The following CFAP47 variants were observed in gnomAD, a reference collection of about 807,000 sequenced individuals.
CFAP47 encodes the protein cilia- and flagella-associated protein 47.
Under a neutral mutation model 148.1 loss-of-function variants are expected in CFAP47, and 29 were observed. The ratio of observed to expected loss-of-function variants is 0.20; its 90% CI spans 0.15 to 0.27. CFAP47 has a LOEUF of 0.27. Among genes scored for constraint, CFAP47 ranks in the 10% least tolerant of loss-of-function variants. The pLI is 1.00. For missense variants in CFAP47, 1,872 were observed against 1,697.5 expected, an observed-to-expected ratio of 1.10 and a Z score of -1.81; for synonymous variants, 664 against 577.3, an observed-to-expected ratio of 1.15 and a Z score of -2.15.
rs1555998227 is a variant in CFAP47, at chrX:36,251,423, T to C, written c.7423T>C (p.Trp2475Arg). The C allele has an allele frequency of 5.9e-6, 3 of 504,546 alleles. No homozygotes were observed. In the Admixed American group the frequency reaches 8.2e-5, roughly 14 times the overall value. 41.6% of individuals were successfully genotyped at this position (504,546 alleles called of 1,213,427 possible). Reference protein sequence around the residue: ...EILYLIHVRPWKRGILKGTIT... With the variant: ...EILYLIHVRPRKRGILKGTIT... ...TCTGTACCTGATTCATGTGCGCCCTTGGAAACGTGGTATATTGAAAGGTAT... is the reference window on the plus strand; with the variant it reads ...TCTGTACCTGATTCATGTGCGCCCTCGGAAACGTGGTATATTGAAAGGTAT... Residue 2475 changes from tryptophan (W) to arginine (R), a missense_variant, in exon 49 of 64, where the codon TGG (tryptophan) becomes CGG (arginine). Coordinates refer to ENST00000378653, the MANE Select transcript of CFAP47 (RefSeq NM_001304548.2).
chrX:36,303,451 T>C lies in CFAP47; in HGVS notation c.7971-398T>C, dbSNP rs923854668. ...CCTCCAGACTCAGCTTCCCAAAGCATTGGGATTACAGGCATGAGCCACTGT... is the reference window on the plus strand; with the variant it reads ...CCTCCAGACTCAGCTTCCCAAAGCACTGGGATTACAGGCATGAGCCACTGT... On this transcript the variant is annotated intron_variant, in intron 53 of 63. Coordinates refer to ENST00000378653, the MANE Select transcript of CFAP47 (RefSeq NM_001304548.2). Among the ~76,000 whole-genome samples, 5 of 110,690 alleles carry C rather than the reference T, an allele frequency of 4.5e-5. No individual in the cohort carries two copies. The Admixed American group carries it at 4.9e-4, about 11-fold the overall frequency.
At chrX:36,173,443 A>G (rs1436795764) in intron 39 of CFAP47, among the ~76,000 whole-genome samples, 4 of 111,719 alleles carry the variant, frequency 3.6e-5, no homozygotes, top group East Asian at 5.6e-4. Context: ...ATTTAGTGCT[A>G]TAAATTTCCC....
At chrX:35,933,239 C>T (rs1232267952) in intron 2 of CFAP47, among the ~76,000 whole-genome samples, 3 of 106,920 alleles carry the variant, frequency 2.8e-5, no homozygotes, top group East Asian at 5.8e-4. Flanking sequence ...CCTTCCTAGC[C>T]TCTGGTAACC....
chrX:36,356,498 T>G (rs960847622), intron 60 of CFAP47, among the ~76,000 whole-genome samples: 7 of 111,476 alleles, frequency 6.3e-5, no homozygotes, highest in African/African-American at 2.3e-4. Context: ...ACTTGGTTCC[T>G]TTCCCCTGCC....
intron 49 of CFAP47, among the ~76,000 whole-genome samples, chrX:36,270,329 G>A (rs1034408301): frequency 2.7e-5 from 3 of 110,548 alleles, no homozygotes; most frequent in South Asian, 3.8e-4. Flanking sequence ...ATACTTAATA[G>A]GGTTACTCAT....
chrX:36,217,791 C>T (rs1347555715), intron 45 of CFAP47, among the ~76,000 whole-genome samples: 1 of 111,685 alleles, frequency 9.0e-6, no homozygotes, highest in Non-Finnish European at 1.9e-5. Flanking sequence ...TTGTAATATC[C>T]AAGACTGCAT....
chrX:36,289,662 T>G (rs1556005268), intron 51 of CFAP47, among the ~76,000 whole-genome samples: 1 of 111,974 alleles, frequency 8.9e-6, no homozygotes, highest in Non-Finnish European at 1.9e-5. Flanking sequence ...ACTTGTTGGC[T>G]CCCAAAAGAT....
intron 21 of CFAP47, among the ~76,000 whole-genome samples, chrX:36,008,394 C>T (rs779874127): frequency 1.2e-3 from 133 of 111,158 alleles, no homozygotes; most frequent in Non-Finnish European, 2.2e-3. Flanking sequence ...TCCTATGAAT[C>T]TTGCTGTGGG....
At chrX:36,080,384 G>C (rs866000531) in intron 29 of CFAP47, among the ~76,000 whole-genome samples, 1 of 111,444 alleles carries the variant, frequency 9.0e-6, no homozygotes, top group South Asian at 3.8e-4. Flanking sequence ...ATTCCTCAAG[G>C]ATCTAGAACT....
chrX:36,219,633 A>C (rs894786683), intron 45 of CFAP47, among the ~76,000 whole-genome samples: 1 of 111,762 alleles, frequency 8.9e-6, no homozygotes, highest in Non-Finnish European at 1.9e-5. Context: ...TTCTATTCAA[A>C]GTAACCCCTC....
chrX:35,957,313 C>T (rs192695142), intron 8 of CFAP47, among the ~76,000 whole-genome samples: 1 of 110,659 alleles, frequency 9.0e-6, no homozygotes, highest in Non-Finnish European at 1.9e-5. Flanking sequence ...GTTTGCTGAA[C>T]CCTGCCTTAA....
At chrX:36,179,070 T>G in intron 39 of CFAP47, among the ~76,000 whole-genome samples, 1 of 112,609 alleles carries the variant, frequency 8.9e-6, no homozygotes, top group South Asian at 3.6e-4. Context: ...ACCAGTCACT[T>G]ATCTTCTAAA....
chrX:36,117,402 C>G (rs1938660335), intron 33 of CFAP47, among the ~76,000 whole-genome samples: 1 of 111,888 alleles, frequency 8.9e-6, no homozygotes. Context: ...TACTCCACAT[C>G]CTCGCCAACA....
intron 24 of CFAP47, among the ~76,000 whole-genome samples, chrX:36,038,653 C>G (rs1937366503): frequency 8.9e-6 from 1 of 112,131 alleles, no homozygotes; most frequent in African/African-American, 3.2e-5. Flanking sequence ...GCCTGGGAAG[C>G]TTCTATTAAA....
chrX:36,251,888 T>C (rs1940696718), intron 49 of CFAP47, among the ~76,000 whole-genome samples: 1 of 111,536 alleles, frequency 9.0e-6, no homozygotes, highest in African/African-American at 3.2e-5. Flanking sequence ...TCCTTTATCT[T>C]CCCTTGTCTG....
intron 41 of CFAP47, 117 bp downstream of exon 41, chrX:36,188,807 C>T (rs999899373): frequency 1.1e-5 from 3 of 281,168 alleles, no homozygotes; most frequent in African/African-American, 8.4e-5. Context: ...AGTAGTAAGC[C>T]CTGGGGATTG....
At chrX:36,340,439 A>G (rs1251892850) in intron 57 of CFAP47, among the ~76,000 whole-genome samples, 1 of 111,858 alleles carries the variant, frequency 8.9e-6, no homozygotes, top group African/African-American at 3.3e-5. Context: ...ACTTTCTCAC[A>G]GTTCTAGAGG....
At chrX:36,384,684 C>T (rs1206861008) in intron 63 of CFAP47, 113 bp from the exon 64 acceptor site, 1 of 501,052 alleles carries the variant, frequency 2.0e-6, no homozygotes, top group Non-Finnish European at 3.3e-6. Flanking sequence ...AGTTTTGTAC[C>T]TTTTCCATAC....
chrX:36,046,050 G>C (rs183962703), intron 25 of CFAP47, among the ~76,000 whole-genome samples: 7 of 111,073 alleles, frequency 6.3e-5, no homozygotes, highest in Non-Finnish European at 9.5e-5. Flanking sequence ...TCAAGGTAGC[G>C]TATAGGTTTA....
Sources: allele counts gnomAD v4.1 joint callset (sites outside exome capture counted in the v4.1 genomes callset), GRCh38; gene constraint gnomAD v4.1.1; transcripts MANE v1.5; gene names NCBI Gene and HGNC (gene_info 2026-07-23, HGNC 2026-07-21).